The following TMEM217 variants were observed in gnomAD, a reference collection of about 807,000 sequenced individuals.
The protein encoded by TMEM217 is transmembrane protein 217.
For synonymous variants in TMEM217, 76 were observed against 88.3 expected (o/e 0.86, Z 0.78); for missense variants, 204 against 248.8 (o/e 0.82, Z 1.21).
intron 1 of TMEM217, among the ~76,000 whole-genome samples, chr6:37,226,387 G>C (rs1264731268): frequency 7.0e-6 from 1 of 143,262 alleles, no homozygotes; most frequent in Non-Finnish European, 1.5e-5. Flanking sequence ...CCGCCTCCCG[G>C]GTTCACGCCA....
At chr6:37,224,248 G>A (rs1763689918) in intron 1 of TMEM217, among the ~76,000 whole-genome samples, 1 of 150,858 alleles carries the variant, frequency 6.6e-6, no homozygotes, top group Non-Finnish European at 1.5e-5. Flanking sequence ...CTCTGCCTCA[G>A]CCTTTTAACT....
At chr6:37,245,196 T>C (rs1187592778) in intron 1 of TMEM217, among the ~76,000 whole-genome samples, 1 of 152,230 alleles carries the variant, frequency 6.6e-6, no homozygotes, top group Non-Finnish European at 1.5e-5. Flanking sequence ...TCTACCATAC[T>C]ATGTTCAGAG....
chr6:37,252,939 G>T (rs517672), intron 1 of TMEM217, among the ~76,000 whole-genome samples: 129,356 of 151,940 alleles, frequency 0.85, 55,278 homozygotes, highest in South Asian at 0.91. Flanking sequence ...TGTTACCCAG[G>T]TGATGTATAT....
chr6:37,221,957 C>T (rs1266743797), intron 1 of TMEM217, among the ~76,000 whole-genome samples: 2 of 152,154 alleles, frequency 1.3e-5, no homozygotes, highest in African/African-American at 4.8e-5. Context: ...GTCTCTGAGG[C>T]TCTCAGAAGA....
At chr6:37,218,551 G>T (rs746414209) in exon 2 of TMEM217, 9 of 1,614,112 alleles carry the variant, frequency 5.6e-6, no homozygotes, top group South Asian at 1.1e-5. Context: ...AAATTATATT[G>T]CCCTGGCTCC....
chr6:37,231,785 G>A (rs1764220065), intron 1 of TMEM217, among the ~76,000 whole-genome samples: 2 of 147,590 alleles, frequency 1.4e-5, no homozygotes, highest in African/African-American at 5.0e-5. Context: ...TTTCAATGTA[G>A]AGATAAATGT....
intron 1 of TMEM217, among the ~76,000 whole-genome samples, chr6:37,222,938 G>C (rs939852580): frequency 6.6e-6 from 1 of 151,580 alleles, no homozygotes; most frequent in African/African-American, 2.4e-5. Context: ...ATTTGAAAAA[G>C]AACCCAAATA....
intron 1 of TMEM217, among the ~76,000 whole-genome samples, chr6:37,245,944 C>T (rs374769294): frequency 1.3e-5 from 2 of 152,018 alleles, no homozygotes; most frequent in African/African-American, 2.4e-5. Flanking sequence ...TAATCACAGG[C>T]GTGCACCACC....
chr6:37,222,229 T>G (rs1763562679), intron 1 of TMEM217, among the ~76,000 whole-genome samples: 2 of 152,178 alleles, frequency 1.3e-5, no homozygotes, highest in African/African-American at 4.8e-5. Flanking sequence ...GGCCCCAGCC[T>G]TCAGGCTCTC....
chr6:37,217,219 G>A (rs531138599), downstream of TMEM217, among the ~76,000 whole-genome samples: 59 of 152,334 alleles, frequency 3.9e-4, 1 homozygote, highest in Non-Finnish European at 7.6e-4. Context: ...GCTTAAACCC[G>A]GGAGGCGGGG....
chr6:37,225,000 C>T (rs1443493426), intron 1 of TMEM217, among the ~76,000 whole-genome samples: 1 of 150,606 alleles, frequency 6.6e-6, no homozygotes, highest in African/African-American at 2.4e-5. Flanking sequence ...CCAACATGGC[C>T]CATCTCTATA....
At chr6:37,218,824 G>T (rs770731755) in exon 2 of TMEM217, 1 of 1,614,210 alleles carries the variant, frequency 6.2e-7, no homozygotes, top group Non-Finnish European at 8.5e-7. Flanking sequence ...AAGACAGGAA[G>T]AGGACGATTT....
intron 1 of TMEM217, among the ~76,000 whole-genome samples, chr6:37,257,074 C>T (rs1765790260): frequency 6.6e-6 from 1 of 152,120 alleles, no homozygotes; most frequent in Admixed American, 6.5e-5. Context: ...ATACTGTGTC[C>T]TTCAAAGAAA....
chr6:37,226,265 G>GT (rs1236378848), intron 1 of TMEM217, among the ~76,000 whole-genome samples: 44 of 75,168 alleles, frequency 5.9e-4, no homozygotes, highest in African/African-American at 2.0e-3. Context: ...GTTTTATTTT[G>GT]TTTTTTTGAG....
At chr6:37,247,378 G>A (rs947777739) in intron 1 of TMEM217, among the ~76,000 whole-genome samples, 7 of 130,638 alleles carry the variant, frequency 5.4e-5, no homozygotes, top group African/African-American at 5.9e-5. Flanking sequence ...AATAAAGGGC[G>A]AACTTTTTTA....
intron 1 of TMEM217, among the ~76,000 whole-genome samples, chr6:37,235,656 A>G (rs888060715): frequency 6.6e-6 from 1 of 152,038 alleles, no homozygotes; most frequent in Non-Finnish European, 1.5e-5. Flanking sequence ...GTGAGCCACC[A>G]CGCCTGGCCT....
exon 1 of TMEM217, chr6:37,257,579 C>T: frequency 2.7e-6 from 1 of 371,076 alleles, no homozygotes; most frequent in Non-Finnish European, 5.0e-6. Flanking sequence ...TGCTTCTTCC[C>T]TCTCGCGGGT....
At chr6:37,212,932 A>G, downstream of TMEM217, 1 of 1,550,496 alleles carries the variant, frequency 6.4e-7, no homozygotes. Context: ...AAGGACAGAG[A>G]AGATGCCCAC....
At chr6:37,229,366 A>G (rs1764061411) in intron 1 of TMEM217, among the ~76,000 whole-genome samples, 1 of 40,034 alleles carries the variant, frequency 2.5e-5, no homozygotes, top group African/African-American at 9.4e-5. Flanking sequence ...TTTTTGAGAC[A>G]GTGTCTCGCT....
Sources: allele counts gnomAD v4.1 joint callset (sites outside exome capture counted in the v4.1 genomes callset), GRCh38; gene constraint gnomAD v4.1.1; transcripts MANE v1.5; gene names NCBI Gene and HGNC (gene_info 2026-07-23, HGNC 2026-07-21).